The following TRPV2 variants were observed in gnomAD, a reference collection of about 807,000 sequenced individuals.
The protein encoded by TRPV2 is transient receptor potential cation channel subfamily V member 2, also known as OTRPC2.
TRPV2 carries 58 observed loss-of-function variants against 91.0 expected under a neutral mutation model. The observed-to-expected ratio is 0.64, with a 90% CI of 0.52 to 0.79. The LOEUF (loss-of-function observed/expected upper bound fraction) is 0.79, where lower values mean the gene tolerates loss of function less well. TRPV2 is among the 30% of genes least tolerant of loss of function. The pLI is 0.00. For missense variants in TRPV2, 807 were observed against 969.6 expected (o/e 0.83, Z 2.23); for synonymous variants, 417 against 414.8 (o/e 1.01, Z -0.06).
chr17:16,427,970 C>A (rs1211792958), intron 8 of TRPV2, among the ~76,000 whole-genome samples: 3 of 152,198 alleles, frequency 2.0e-5, no homozygotes, highest in Non-Finnish European at 4.4e-5. Context: ...GACACCAAGA[C>A]ATTGGGACCT....
At chr17:16,431,291 A>ATATAT (rs1333090555) in intron 10 of TRPV2, among the ~76,000 whole-genome samples, 2 of 67,392 alleles carry the variant, frequency 3.0e-5, no homozygotes, top group African/African-American at 6.4e-5. Context: ...ATATATACAT[A>ATATAT]TTTTTTTTTT....
At chr17:16,430,505 A>G (rs1459544481) in intron 10 of TRPV2, among the ~76,000 whole-genome samples, 1 of 119,064 alleles carries the variant, frequency 8.4e-6, no homozygotes, top group East Asian at 2.5e-4. Context: ...TTTTTTTTTG[A>G]GATGGAGTCT....
At position 16,422,630 on chromosome 17, in the gene TRPV2, G is replaced by A. The variant is rs2093363463; in HGVS notation, c.366G>A (p.Lys122=). The part of the protein sequence containing the change: ...EGSTGKTCLM[K]AVLNLKDGVN... ...CCACAGGTAAGACGTGCCTGATGAA[G>A]GCTGTGCTGAACCTTAAGGACGGAG... The change falls in exon 4 of 15, where the codon AAG becomes AAA. Residue 122 remains lysine, a synonymous_variant. Coordinates refer to ENST00000338560, the MANE Select transcript of TRPV2 (RefSeq NM_016113.5). 1 of 1,614,182 alleles carries A rather than the reference G, an allele frequency of 6.2e-7. No homozygotes were observed. Among genetic ancestry groups the A allele is most frequent in the Non-Finnish European group, 8.5e-7 (1 of 1,180,030 alleles).
chr17:16,417,570 C>G lies in TRPV2; in HGVS notation c.-99C>G. On this transcript the variant is annotated 5_prime_UTR_variant, in exon 2 of 15. Coordinates refer to ENST00000338560, the MANE Select transcript of TRPV2 (RefSeq NM_016113.5). ...AATACCTCCTTTTGCAGGCTCCAGT[C>G]AGGCCAACACCGACGCGCAGCTGGG... 7.5e-7 allele frequency: 1 copy of G among 1,327,310 alleles called. No homozygotes were observed. Among genetic ancestry groups the G allele is most frequent in the Admixed American group, 1.9e-5 (1 of 53,574 alleles). The allele number at this position is 1,327,310 out of a possible 1,614,324, so 82.2% of individuals were successfully genotyped here. A position where few individuals can be genotyped will look rare whatever the true frequency, so the allele number is the denominator to read the frequency against.
In TRPV2 at chr17:16,422,772, G is replaced by T; in HGVS notation, c.508G>T (p.Ala170Ser). 1 of 1,574,928 alleles carries T rather than the reference G, an allele frequency of 6.3e-7. No individual in the cohort carries two copies. Among genetic ancestry groups the T allele is most frequent in the Non-Finnish European group, 8.6e-7 (1 of 1,158,706 alleles). ...YYRGHSALHI[A>S]IEKRSLQCVK... is the part of the protein sequence containing the mutation. ...CCGAGGCCACAGCGCTCTGCACATC[G>T]CCATTGAGAAGAGGAGTCTGCAGTG... Residue 170 changes from alanine to serine, a missense_variant, in exon 4 of 15, where the codon GCC becomes TCC. Transcript: ENST00000338560.
At chr17:16,427,152 T>C (rs928660629) in intron 7 of TRPV2, among the ~76,000 whole-genome samples, 4 of 152,216 alleles carry the variant, frequency 2.6e-5, no homozygotes, top group South Asian at 4.1e-4. Flanking sequence ...CCCCAGTTTA[T>C]AGTAGAGGGA....
rs201150890 is a variant in TRPV2 at position 16,423,464 on chromosome 17, T to C, written c.626-5T>C. 2 of 1,594,446 alleles carry C rather than the reference T, an allele frequency of 1.3e-6. No homozygotes were observed. Among genetic ancestry groups the C allele is most frequent in the Non-Finnish European group, 1.7e-6 (2 of 1,168,210 alleles). On this transcript the variant is annotated splice_polypyrimidine_tract_variant and splice_region_variant and intron_variant, in intron 4 of 14. Coordinates refer to ENST00000338560, the MANE Select transcript of TRPV2 (RefSeq NM_016113.5). ...TGGGGCCCAAGCTGCTCTCTTGGCC[T>C]GCAGGTGAGCTACCCCTCTCTTTGG...
intron 7 of TRPV2, among the ~76,000 whole-genome samples, chr17:16,427,112 A>C (rs754946579): frequency 5.9e-5 from 9 of 152,164 alleles, no homozygotes; most frequent in Non-Finnish European, 8.8e-5. Context: ...AATGTGCCCC[A>C]AAACCCTTGA....
At chr17:16,430,064 C>T (rs2093402575) in intron 10 of TRPV2, among the ~76,000 whole-genome samples, 1 of 152,036 alleles carries the variant, frequency 6.6e-6, no homozygotes. Flanking sequence ...AGGTTTTCAC[C>T]ACGTTGGCCA....
chr17:16,426,266 C>T lies in TRPV2; in HGVS notation c.1092C>T (p.Ser364=), dbSNP rs1489024096. The stretch of plus-strand genomic sequence containing the variant: ...AGATCATTGCCTTTCATTGCAAGAG[C>T]CCGGTGAGCCCACAGGAGCATGGGT... ...VLEIIAFHCK[S]PHRHRMVVLE... is the part of the protein sequence containing the mutation. The change falls in exon 6 of 15, where the codon AGC becomes AGT. Residue 364 remains serine (S), a synonymous_variant. Transcript: ENST00000338560. This position sits in a 1 kb window ranked among gnomAD's most constrained non-coding sequence, Gnocchi z 6.0. The T allele has an allele frequency of 1.2e-6, 2 of 1,614,084 alleles. No individual in the cohort carries two copies. Among genetic ancestry groups the T allele is most frequent in the African/African-American group, 1.3e-5 (1 of 75,038 alleles).
intron 3 of TRPV2, among the ~76,000 whole-genome samples, chr17:16,420,944 A>G (rs922165521): frequency 1.3e-5 from 2 of 152,140 alleles, no homozygotes; most frequent in African/African-American, 4.8e-5. Flanking sequence ...ACATCAGTAT[A>G]TATTTACATA....
chr17:16,415,826 C>G lies in TRPV2; in HGVS notation c.-115C>G, dbSNP rs899322169. On this transcript the variant is annotated 5_prime_UTR_variant, in exon 1 of 15. Coordinates refer to ENST00000338560, the MANE Select transcript of TRPV2 (RefSeq NM_016113.5). This position sits in a 1 kb window ranked among gnomAD's most constrained non-coding sequence, Gnocchi z 4.5. ...AGCAGCCGCCACGCCCTGGCCTCAG[C>G]CTGCGGGGTAAGTCGGTGGGCAATG... 1 of 152,374 alleles carries G rather than the reference C, an allele frequency of 6.6e-6. No homozygotes were observed. Among genetic ancestry groups the G allele is most frequent in the Admixed American group, 6.5e-5 (1 of 15,284 alleles). 9.4% of individuals were successfully genotyped at this position (152,374 alleles called of 1,614,324 possible).
rs1314781859 is a variant in TRPV2, at chr17:16,432,162, C to A, written c.1851C>A (p.His617Gln). The A allele has an allele frequency of 6.2e-7, 1 of 1,614,260 alleles. No individual in the cohort carries two copies. Among genetic ancestry groups the A allele is most frequent in the South Asian group, 1.1e-5 (1 of 91,092 alleles). The change falls in exon 12 of 15, where the codon CAC (histidine) becomes CAA (glutamine). Residue 617 changes from histidine (H) to glutamine (Q), a missense_variant. Physicochemically the swap from His to Gln is conservative, Grantham distance 24. Coordinates refer to ENST00000338560, the MANE Select transcript of TRPV2 (RefSeq NM_016113.5). ...MGELAFQEQL[H>Q]FRGMVLLLLL... ...AGCTGGCCTTCCAGGAGCAGCTGCACTTCCGCGGCATGGTGCTGCTGCTGC... is the reference window on the plus strand; with the variant it reads ...AGCTGGCCTTCCAGGAGCAGCTGCAATTCCGCGGCATGGTGCTGCTGCTGC...
In TRPV2 at chr17:16,432,316, C is replaced by A. The variant is rs997371597; in HGVS notation, c.1989+16C>A. Reference sequence around the variant, plus strand: ...GAAGCTGCAGGTGCCACCAGAGAGGCTCCCTGCCCCCACCCCACCCCACAC... The same window carrying A: ...GAAGCTGCAGGTGCCACCAGAGAGGATCCCTGCCCCCACCCCACCCCACAC... On this transcript the variant is annotated intron_variant, in intron 12 of 14. Coordinates refer to ENST00000338560, the MANE Select transcript of TRPV2 (RefSeq NM_016113.5). 4 of 1,586,958 alleles carry A rather than the reference C, an allele frequency of 2.5e-6. No homozygotes were observed. The highest frequency in any genetic ancestry group is 1.8e-4 in the Middle Eastern group (1 of 5,698).
chr17:16,421,657 G>A (rs1212472124), intron 3 of TRPV2, among the ~76,000 whole-genome samples: 1 of 151,606 alleles, frequency 6.6e-6, no homozygotes, highest in East Asian at 1.9e-4. Context: ...GAGTAGCTGG[G>A]ATTACAGGCG....
chr17:16,431,270 T>C (rs2093408711), intron 10 of TRPV2, among the ~76,000 whole-genome samples: 3 of 73,292 alleles, frequency 4.1e-5, no homozygotes, highest in East Asian at 3.0e-4. Context: ...TATATATATA[T>C]ATATATATAT....
intron 10 of TRPV2, among the ~76,000 whole-genome samples, chr17:16,429,786 C>T (rs1409633734): frequency 1.4e-5 from 2 of 147,714 alleles, no homozygotes; most frequent in African/African-American, 5.0e-5. Flanking sequence ...GGGCCAGGGG[C>T]CCCTTCCACG....
In TRPV2 at chr17:16,426,735, T is replaced by C; in HGVS notation, c.1109T>C (p.Met370Thr). Residue 370 changes from methionine to threonine, a missense_variant, in exon 7 of 15, where the codon ATG becomes ACG. By Grantham distance (81) the Met-to-Thr change is moderately conservative (BLOSUM62 -1). Transcript: ENST00000338560. This position sits in a 1 kb window ranked among gnomAD's most constrained non-coding sequence, Gnocchi z 6.0. ...FHCKSPHRHRMVVLEPLNKLL... is the reference protein window; with the variant it reads ...FHCKSPHRHRTVVLEPLNKLL... ...TCCCCACCCCAGCACCGACACCGAATGGTCGTTTTGGAGCCCCTGAACAAA... is the reference window on the plus strand; with the variant it reads ...TCCCCACCCCAGCACCGACACCGAACGGTCGTTTTGGAGCCCCTGAACAAA... 6.2e-7 allele frequency: 1 copy of C among 1,613,788 alleles called. No homozygotes were observed. The highest frequency in any genetic ancestry group is 8.5e-7 in the Non-Finnish European group (1 of 1,179,848).
intron 10 of TRPV2, 38 bp downstream of exon 10, chr17:16,429,020 C>G: frequency 2.5e-6 from 4 of 1,609,328 alleles, no homozygotes; most frequent in Non-Finnish European, 3.4e-6. Context: ...CTCTTTTGGC[C>G]TCATCAGGCA....
Sources: gnomAD v4.1 joint callset for allele counts (sites outside exome capture counted in the v4.1 genomes callset) on GRCh38, gnomAD v4.1.1 for gene constraint, Gnocchi (gnomAD v3.1) non-coding constraint, MANE v1.5 for transcripts, NCBI Gene and HGNC (gene_info 2026-07-23, HGNC 2026-07-21) for gene names.